The following NSD3 variants were observed in gnomAD, a reference collection of about 807,000 sequenced individuals.
NSD3 encodes histone-lysine N-methyltransferase NSD3.
Under a neutral mutation model 160.8 loss-of-function variants are expected in NSD3, and 24 were observed. The ratio of observed to expected loss-of-function variants is 0.15; its 90% CI spans 0.11 to 0.21. The LOEUF is 0.21. Among genes scored for constraint, NSD3 ranks in the 10% least tolerant of loss-of-function variants. NSD3 has a pLI of 1.00. For missense variants in NSD3, 1,157 were observed against 1,735.9 expected (o/e 0.67, Z 5.93); for synonymous variants, 520 against 600.0 (o/e 0.87, Z 1.95).
intron 15 of NSD3, among the ~76,000 whole-genome samples, chr8:38,298,762 A>G (rs1308836895): frequency 6.6e-6 from 1 of 152,214 alleles, no homozygotes; most frequent in African/African-American, 2.4e-5. Context: ...CACAATATAA[A>G]GTTTTCTTCC....
intron 1 of NSD3, among the ~76,000 whole-genome samples, chr8:38,370,804 T>C (rs1204855372): frequency 6.6e-6 from 1 of 152,148 alleles, no homozygotes; most frequent in Non-Finnish European, 1.5e-5. Flanking sequence ...GGTATGTGAA[T>C]TATATCTCAA....
chr8:38,339,339 A>G (rs1158306623), intron 2 of NSD3, among the ~76,000 whole-genome samples: 1 of 152,192 alleles, frequency 6.6e-6, no homozygotes, highest in African/African-American at 2.4e-5. Flanking sequence ...TACTTCTAAG[A>G]ATGTATATTT....
intron 22 of NSD3, 146 bp from the exon 23 acceptor site, chr8:38,276,646 A>G (rs930088145): frequency 2.6e-6 from 2 of 760,506 alleles, no homozygotes; most frequent in Non-Finnish European, 4.2e-6. Flanking sequence ...GCTGCAACAA[A>G]TACTATAACA....
chr8:38,349,306 A>T, intron 1 of NSD3, among the ~76,000 whole-genome samples: 1 of 152,130 alleles, frequency 6.6e-6, no homozygotes, highest in Admixed American at 6.6e-5. Flanking sequence ...ATACGTCTGC[A>T]GAAAACCTCG....
At chr8:38,302,914 G>A (rs911157494) in intron 14 of NSD3, among the ~76,000 whole-genome samples, 67 of 152,156 alleles carry the variant, frequency 4.4e-4, no homozygotes, top group Non-Finnish European at 1.0e-4. Context: ...GATTACAGGC[G>A]TGAGCTACTG....
At chr8:38,278,529 T>G in intron 21 of NSD3, 117 bp from the exon 22 acceptor site, 1 of 798,500 alleles carries the variant, frequency 1.3e-6, no homozygotes, top group Non-Finnish European at 1.9e-6. Context: ...GGCGTTTCCC[T>G]TGCCAGTGTT....
chr8:38,358,471 C>T (rs1168516134), intron 1 of NSD3, among the ~76,000 whole-genome samples: 1 of 152,096 alleles, frequency 6.6e-6, no homozygotes, highest in Non-Finnish European at 1.5e-5. Flanking sequence ...TACATGCAGA[C>T]AGTCTACAGT....
intron 19 of NSD3, among the ~76,000 whole-genome samples, chr8:38,286,089 C>G (rs1418659431): frequency 6.6e-6 from 1 of 152,126 alleles, no homozygotes; most frequent in Admixed American, 6.5e-5. Flanking sequence ...GTGAGCAGGA[C>G]CTGTGATTAG....
In NSD3 at chr8:38,341,963, A is replaced by AG. The variant is rs898660006; in HGVS notation, c.676-3357dup. On this transcript the variant is annotated intron_variant, in intron 2 of 23. Transcript: ENST00000317025. The stretch of plus-strand genomic sequence containing the variant: ...CTGTCTCCAAAAAAACAAAAAAAAA[A>AG]GGACTTCCTTCCAAATCTTATAATT... Among the ~76,000 whole-genome samples, 53 of 152,276 alleles carry AG rather than the reference A, an allele frequency of 3.5e-4. 1 individual carries two copies. Among genetic ancestry groups the AG allele is most frequent in the African/African-American group, 1.2e-3 (50 of 41,560 alleles).
intron 1 of NSD3, among the ~76,000 whole-genome samples, chr8:38,376,405 T>C (rs1431442567): frequency 2.0e-5 from 3 of 152,112 alleles, no homozygotes; most frequent in Non-Finnish European, 4.4e-5. Context: ...CCCCCTCACC[T>C]TGAGTTTTCA....
At chr8:38,355,848 T>C (rs1258585723) in intron 1 of NSD3, among the ~76,000 whole-genome samples, 1 of 152,226 alleles carries the variant, frequency 6.6e-6, no homozygotes, top group East Asian at 1.9e-4. Context: ...AACACCCCTT[T>C]GAGGAAATAC....
At chr8:38,338,295 G>C (rs200849797) in intron 3 of NSD3, among the ~76,000 whole-genome samples, 1 of 136,132 alleles carries the variant, frequency 7.3e-6, no homozygotes, top group East Asian at 2.2e-4. Context: ...GTGAGACTCC[G>C]TCTCAAAAAG....
In NSD3 at chr8:38,281,508, C is replaced by T. The variant is rs761365067; in HGVS notation, c.3577G>A (p.Glu1193Lys). Residue 1193 changes from glutamate to lysine, a missense_variant, in exon 20 of 24, where the codon GAG (glutamate) becomes AAG (lysine). Physicochemically the swap from Glu to Lys is moderately conservative, Grantham distance 56. Transcript: ENST00000317025. ...ATATAAAAATTAGTTACACTGTTCT[C>T]GTGGGCTCGCTTGATTCGCAATCTG... ...ECRLRIKRAH[E>K]NSVTNFYMLT... is the part of the protein sequence containing the mutation. 7 of 1,599,752 alleles carry T rather than the reference C, an allele frequency of 4.4e-6. No individual in the cohort carries two copies. Among genetic ancestry groups the T allele is most frequent in the East Asian group, 2.2e-5 (1 of 44,526 alleles).
At chr8:38,294,899 T>C (rs1457359139) in intron 16 of NSD3, among the ~76,000 whole-genome samples, 3 of 151,838 alleles carry the variant, frequency 2.0e-5, no homozygotes, top group African/African-American at 7.3e-5. Context: ...ATCCCAGCAC[T>C]TTGGGAAGCC....
intron 1 of NSD3, among the ~76,000 whole-genome samples, chr8:38,348,571 A>C (rs1051806513): frequency 2.0e-5 from 3 of 152,246 alleles, no homozygotes; most frequent in Non-Finnish European, 2.9e-5. Flanking sequence ...GTCCTGACAC[A>C]TATCAATCTG....
intron 6 of NSD3, among the ~76,000 whole-genome samples, chr8:38,328,200 AT>A (rs1018112965): frequency 2.6e-5 from 4 of 152,182 alleles, no homozygotes; most frequent in East Asian, 1.9e-4. Flanking sequence ...AAGGAAAAAA[AT>A]AAATATAAAT....
chr8:38,304,492 T>C, intron 14 of NSD3, 95 bp downstream of exon 14: 2 of 1,252,644 alleles, frequency 1.6e-6, no homozygotes, highest in Non-Finnish European at 2.2e-6. Context: ...TTCTACTAGA[T>C]GGCCTGAGTT....
chr8:38,372,684 A>T (rs1362516153), intron 1 of NSD3, among the ~76,000 whole-genome samples: 18 of 150,270 alleles, frequency 1.2e-4, no homozygotes, highest in African/African-American at 3.2e-4. Flanking sequence ...TTTAGTAGAG[A>T]CGGGTTTCGC....
chr8:38,351,275 C>T lies in NSD3; in HGVS notation c.-44-3060G>A, dbSNP rs142433661. 1.6e-4 allele frequency among the ~76,000 whole-genome samples: 25 copies of T among 151,532 alleles called. No individual in the cohort carries two copies. In the East Asian group the frequency reaches 4.7e-3, roughly 29 times the overall value. On this transcript the variant is annotated intron_variant, in intron 1 of 23. Transcript: ENST00000317025. ...TACAGGTGTGAGCCACCATGCCTGG[C>T]CTCTTCTAGAAAGTTCTAAAGCAGG...
Sources: gnomAD v4.1 joint callset for allele counts (sites outside exome capture counted in the v4.1 genomes callset) on GRCh38, gnomAD v4.1.1 for gene constraint, MANE v1.5 for transcripts, NCBI Gene and HGNC (gene_info 2026-07-23, HGNC 2026-07-21) for gene names.